Variants in MTCL2 observed in about 807,000 individuals in gnomAD.
MTCL2 encodes the protein microtubule cross-linking factor 2.
At chr20:36,849,621 G>T in the MTCL2 span, among the ~76,000 whole-genome samples, 4 of 152,246 alleles carry the variant, frequency 2.6e-5, no homozygotes, top group South Asian at 8.3e-4. Context: ...TTTTTGTAGA[G>T]AGGGGGTCTT....
the MTCL2 span, among the ~76,000 whole-genome samples, chr20:36,792,305 C>T: frequency 4.6e-5 from 7 of 151,988 alleles, no homozygotes; most frequent in South Asian, 2.1e-4. Flanking sequence ...GTCGGGAGTT[C>T]GAGACCAGCC....
At chr20:36,861,265 C>T in the MTCL2 span, among the ~76,000 whole-genome samples, 2 of 152,198 alleles carry the variant, frequency 1.3e-5, no homozygotes, top group African/African-American at 2.4e-5. Flanking sequence ...TTACCACCGG[C>T]TTCTGAAGAC....
chr20:36,849,498 G>C, the MTCL2 span, among the ~76,000 whole-genome samples: 1 of 151,964 alleles, frequency 6.6e-6, no homozygotes, highest in Non-Finnish European at 1.5e-5. Flanking sequence ...ACAGTGGCTT[G>C]ATCACAGCTC....
the MTCL2 span, chr20:36,816,322 A>G: frequency 1.3e-6 from 2 of 1,549,314 alleles, no homozygotes; most frequent in Non-Finnish European, 1.7e-6. Context: ...GACCACAGAG[A>G]CAGACACAAC....
At chr20:36,799,457 A>C in the MTCL2 span, among the ~76,000 whole-genome samples, 1 of 152,010 alleles carries the variant, frequency 6.6e-6, no homozygotes, top group Non-Finnish European at 1.5e-5. Context: ...GCGCCATTGC[A>C]CTCTAGTCTG....
the MTCL2 span, among the ~76,000 whole-genome samples, chr20:36,814,154 G>T: frequency 6.6e-6 from 1 of 152,218 alleles, no homozygotes; most frequent in South Asian, 2.1e-4. Context: ...TATTTTGGGT[G>T]ACTCTGCCCC....
At chr20:36,858,942 G>A in the MTCL2 span, among the ~76,000 whole-genome samples, 27 of 152,042 alleles carry the variant, frequency 1.8e-4, 1 homozygote, top group East Asian at 4.8e-3. Flanking sequence ...AGGCGCCCAC[G>A]ACCACGCCTG....
the MTCL2 span, among the ~76,000 whole-genome samples, chr20:36,819,645 C>G: frequency 6.6e-6 from 1 of 150,850 alleles, no homozygotes; most frequent in South Asian, 2.1e-4. Flanking sequence ...TACTGGTGGT[C>G]TGAGGTAGGT....
At chr20:36,783,915 C>A in the MTCL2 span, 1 of 985,490 alleles carries the variant, frequency 1.0e-6, no homozygotes, top group African/African-American at 1.7e-5. Flanking sequence ...TCCAGCCCCA[C>A]GTCCAGAGGC....
the MTCL2 span, among the ~76,000 whole-genome samples, chr20:36,801,676 A>T: frequency 6.6e-6 from 1 of 152,180 alleles, no homozygotes; most frequent in Non-Finnish European, 1.5e-5. Context: ...AATTAAAATT[A>T]AAAGTAAGGC....
chr20:36,815,716 C>T, the MTCL2 span: 2 of 1,598,538 alleles, frequency 1.3e-6, no homozygotes, highest in Admixed American at 1.7e-5. The surrounding 1 kb of genome is among the most constrained non-coding windows in gnomAD (Gnocchi z 5.3). Context: ...TGCAGCTTGG[C>T]GGCCGCCAGC....
chr20:36,854,168 C>T, the MTCL2 span, among the ~76,000 whole-genome samples: 20 of 152,174 alleles, frequency 1.3e-4, no homozygotes, highest in African/African-American at 4.8e-4. Context: ...AGTCTTGCCT[C>T]TTGCCACTTA....
chr20:36,844,108 C>T, the MTCL2 span, among the ~76,000 whole-genome samples: 11 of 152,006 alleles, frequency 7.2e-5, no homozygotes, highest in East Asian at 7.8e-4. Flanking sequence ...TGGTGGTGCA[C>T]GCCTGTAATC....
At chr20:36,851,107 C>G in the MTCL2 span, among the ~76,000 whole-genome samples, 3 of 152,062 alleles carry the variant, frequency 2.0e-5, no homozygotes, top group Non-Finnish European at 4.4e-5. Flanking sequence ...AGGAACTGTT[C>G]TATATCTTGG....
chr20:36,862,570 G>C, the MTCL2 span: 1 of 1,283,324 alleles, frequency 7.8e-7, no homozygotes, highest in Non-Finnish European at 1.0e-6. Context: ...TTGTTCAGTG[G>C]GAAGGAGGGC....
At chr20:36,839,372 G>A in the MTCL2 span, 1 of 1,613,370 alleles carries the variant, frequency 6.2e-7, no homozygotes, top group Admixed American at 1.7e-5. The surrounding 1 kb of genome is among the most constrained non-coding windows in gnomAD (Gnocchi z 5.1). Context: ...TCCTGCAGCT[G>A]ATACACGTCC....
the MTCL2 span, among the ~76,000 whole-genome samples, chr20:36,790,054 C>T: frequency 1.4e-5 from 2 of 147,846 alleles, no homozygotes; most frequent in Admixed American, 6.8e-5. Context: ...TGCAGTGGCG[C>T]GATCTCGGCT....
chr20:36,858,760 G>A, the MTCL2 span, among the ~76,000 whole-genome samples: 4 of 152,032 alleles, frequency 2.6e-5, no homozygotes, highest in Non-Finnish European at 4.4e-5. Flanking sequence ...GATGACCATC[G>A]TATGAGGTTG....
At chr20:36,800,080 T>G in the MTCL2 span, among the ~76,000 whole-genome samples, 2 of 152,108 alleles carry the variant, frequency 1.3e-5, no homozygotes, top group Admixed American at 6.6e-5. Flanking sequence ...AATGCTGCTT[T>G]GGGGGATTTG....
Sources: allele counts gnomAD v4.1 joint callset (sites outside exome capture counted in the v4.1 genomes callset), GRCh38; gene constraint gnomAD v4.1.1; non-coding constraint Gnocchi (gnomAD v3.1); transcripts MANE v1.5; gene names NCBI Gene and HGNC (gene_info 2026-07-23, HGNC 2026-07-21).